Variants in HS6ST3 observed in about 807,000 individuals in gnomAD.
HS6ST3 encodes the protein heparan-sulfate 6-O-sulfotransferase 3.
A neutral mutation model predicts 36.7 loss-of-function variants in HS6ST3; 12 were observed. The observed-to-expected ratio is 0.33, with a 90% CI of 0.21 to 0.53. The LOEUF (loss-of-function observed/expected upper bound fraction) is 0.53. Among genes scored for constraint, HS6ST3 ranks in the 20% least tolerant of loss-of-function variants. The pLI is 0.95. For missense variants in HS6ST3, 584 were observed against 640.9 expected, an observed-to-expected ratio of 0.91 and a Z score of 0.96; for synonymous variants, 240 against 257.5, an observed-to-expected ratio of 0.93 and a Z score of 0.65.
intron 1 of HS6ST3, among the ~76,000 whole-genome samples, chr13:96,727,272 G>A (rs887162576): frequency 1.3e-5 from 2 of 152,112 alleles, no homozygotes; most frequent in Non-Finnish European, 2.9e-5. Flanking sequence ...TGGGCTTGCT[G>A]TGAATAATAA....
intron 1 of HS6ST3, among the ~76,000 whole-genome samples, chr13:96,224,558 T>C (rs1376422110): frequency 6.6e-6 from 1 of 152,208 alleles, no homozygotes; most frequent in East Asian, 1.9e-4. Context: ...TCAGTGATCC[T>C]CCTGCCTTGG....
At chr13:96,214,656 G>A (rs1026326174) in intron 1 of HS6ST3, among the ~76,000 whole-genome samples, 1 of 152,032 alleles carries the variant, frequency 6.6e-6, no homozygotes, top group African/African-American at 2.4e-5. Flanking sequence ...AGAATTGGTT[G>A]GTAGAAATTT....
chr13:96,478,993 T>C lies in HS6ST3; in HGVS notation c.708-353497T>C, dbSNP rs567720899. ...CCAAGCATTCTTTCTTTCACTTCTCTGTTTCACAAATACCTGCTGGATCTC... is the reference window on the plus strand; with the variant it reads ...CCAAGCATTCTTTCTTTCACTTCTCCGTTTCACAAATACCTGCTGGATCTC... On this transcript the variant is annotated intron_variant, in intron 1 of 1. Coordinates refer to ENST00000376705, the MANE Select transcript of HS6ST3 (RefSeq NM_153456.4). Among the ~76,000 whole-genome samples the C allele has an allele frequency of 2.6e-5, 4 of 152,360 alleles. No individual in the cohort carries two copies. In the South Asian group the frequency reaches 8.3e-4, roughly 32 times the overall value.
At chr13:96,795,530 G>A (rs1447939052) in intron 1 of HS6ST3, among the ~76,000 whole-genome samples, 2 of 152,050 alleles carry the variant, frequency 1.3e-5, no homozygotes, top group Admixed American at 6.6e-5. Flanking sequence ...TCTCTTAAAT[G>A]CTAAGCTATC....
chr13:96,491,390 GACA>G (rs2055944630), intron 1 of HS6ST3, among the ~76,000 whole-genome samples: 1 of 148,260 alleles, frequency 6.7e-6, no homozygotes, highest in Non-Finnish European at 1.5e-5. Context: ...GGAAAGTGAG[GACA>G]TACTTTGTTT....
At chr13:96,388,720 T>TC (rs551747486) in intron 1 of HS6ST3, among the ~76,000 whole-genome samples, 7 of 152,162 alleles carry the variant, frequency 4.6e-5, no homozygotes, top group Non-Finnish European at 8.8e-5. Context: ...GGTAATTGAA[T>TC]CATGGGGGTG....
At chr13:96,403,711 G>T (rs751865323) in intron 1 of HS6ST3, among the ~76,000 whole-genome samples, 1 of 152,182 alleles carries the variant, frequency 6.6e-6, no homozygotes, top group Non-Finnish European at 1.5e-5. Flanking sequence ...TTGGGGGAAG[G>T]CTCCATCTTC....
chr13:96,401,755 C>T (rs1215671121), intron 1 of HS6ST3, among the ~76,000 whole-genome samples: 3 of 151,846 alleles, frequency 2.0e-5, no homozygotes, highest in African/African-American at 7.3e-5. Flanking sequence ...TTATATCTTT[C>T]GTAGAGGCAG....
At chr13:96,402,861 AATTGCAATACATATTTTTAT>A (rs2055458527) in intron 1 of HS6ST3, among the ~76,000 whole-genome samples, 1 of 152,224 alleles carries the variant, frequency 6.6e-6, no homozygotes, top group Non-Finnish European at 1.5e-5. Context: ...TTATGAAGAA[AATTGCAATACATATTTTTAT>A]ATACACCATT....
intron 1 of HS6ST3, among the ~76,000 whole-genome samples, chr13:96,558,559 C>T (rs975567941): frequency 6.6e-6 from 1 of 151,986 alleles, no homozygotes; most frequent in Non-Finnish European, 1.5e-5. Context: ...AGAATTTGGG[C>T]AGTATGGCAA....
intron 1 of HS6ST3, among the ~76,000 whole-genome samples, chr13:96,528,460 A>G (rs149003330): frequency 6.6e-6 from 1 of 152,286 alleles, no homozygotes; most frequent in East Asian, 1.9e-4. Context: ...CAGGGGCCCA[A>G]TACTGATGAA....
chr13:96,659,327 A>C (rs1475996020), intron 1 of HS6ST3, among the ~76,000 whole-genome samples: 1 of 152,132 alleles, frequency 6.6e-6, no homozygotes, highest in African/African-American at 2.4e-5. Flanking sequence ...GAGTGTCTTC[A>C]AATCTTTTGT....
intron 1 of HS6ST3, among the ~76,000 whole-genome samples, chr13:96,374,385 T>G (rs1381264040): frequency 1.3e-5 from 2 of 152,216 alleles, no homozygotes; most frequent in Admixed American, 1.3e-4. Flanking sequence ...CTTTACCTAT[T>G]AATATCTGCT....
At chr13:96,825,128 C>T (rs903440021) in intron 1 of HS6ST3, among the ~76,000 whole-genome samples, 2 of 152,058 alleles carry the variant, frequency 1.3e-5, no homozygotes, top group South Asian at 4.1e-4. Context: ...GAGTGTGGAG[C>T]TATTAATTTT....
intron 1 of HS6ST3, among the ~76,000 whole-genome samples, chr13:96,569,233 G>A (rs1335414580): frequency 6.6e-6 from 1 of 152,178 alleles, no homozygotes; most frequent in Non-Finnish European, 1.5e-5. Flanking sequence ...TAATGTGACA[G>A]AAAGAAGTTA....
At chr13:96,163,070 C>T (rs548286123) in intron 1 of HS6ST3, among the ~76,000 whole-genome samples, 29 of 152,000 alleles carry the variant, frequency 1.9e-4, no homozygotes, top group East Asian at 5.8e-4. Context: ...ATCATAGCTG[C>T]GAATTCTTAA....
intron 1 of HS6ST3, among the ~76,000 whole-genome samples, chr13:96,509,975 G>C (rs1260020393): frequency 6.6e-6 from 1 of 152,068 alleles, no homozygotes; most frequent in Non-Finnish European, 1.5e-5. Context: ...CAATCCATGA[G>C]CATGGGATGT....
chr13:96,305,146 A>T (rs1407958444), intron 1 of HS6ST3, among the ~76,000 whole-genome samples: 1 of 152,148 alleles, frequency 6.6e-6, no homozygotes, highest in African/African-American at 2.4e-5. Flanking sequence ...CATGGATCTT[A>T]TTAGGAATAG....
intron 1 of HS6ST3, among the ~76,000 whole-genome samples, chr13:96,182,508 T>C (rs1282598771): frequency 6.6e-6 from 1 of 152,216 alleles, no homozygotes; most frequent in South Asian, 2.1e-4. Flanking sequence ...GTTTGTGAAG[T>C]AGAATGTTAA....
Sources: gnomAD v4.1 joint callset for allele counts (sites outside exome capture counted in the v4.1 genomes callset) on GRCh38, gnomAD v4.1.1 for gene constraint, MANE v1.5 for transcripts, NCBI Gene and HGNC (gene_info 2026-07-23, HGNC 2026-07-21) for gene names.